The following PRKCE variants were observed in gnomAD, a reference collection of about 807,000 sequenced individuals.
PRKCE encodes the protein protein kinase C epsilon.
Under a neutral mutation model 85.4 loss-of-function variants are expected in PRKCE, and 16 were observed. The ratio of observed to expected loss-of-function variants is 0.19; its 90% CI spans 0.13 to 0.28. The LOEUF (loss-of-function observed/expected upper bound fraction) is 0.28, where lower values mean the gene tolerates loss of function less well. Among genes scored for constraint, PRKCE ranks in the 10% least tolerant of loss-of-function variants. PRKCE has a pLI of 1.00. For missense variants in PRKCE, 573 were observed against 975.2 expected, an observed-to-expected ratio of 0.59 and a Z score of 5.49; for synonymous variants, 388 against 371.5, an observed-to-expected ratio of 1.04 and a Z score of -0.51.
At chr2:46,047,383 A>G (rs1708590200) in intron 10 of PRKCE, among the ~76,000 whole-genome samples, 1 of 152,250 alleles carries the variant, frequency 6.6e-6, no homozygotes, top group African/African-American at 2.4e-5. Flanking sequence ...TCTTTTATAC[A>G]GCAATGAAGA....
intron 10 of PRKCE, among the ~76,000 whole-genome samples, chr2:46,064,106 A>C (rs900877909): frequency 6.6e-6 from 1 of 152,094 alleles, no homozygotes; most frequent in African/African-American, 2.4e-5. Context: ...ACATGGTGAA[A>C]CCCTGTATCT....
chr2:46,058,790 G>C (rs1276893556), intron 10 of PRKCE, among the ~76,000 whole-genome samples: 2 of 152,168 alleles, frequency 1.3e-5, no homozygotes, highest in African/African-American at 4.8e-5. Context: ...CAACCTCCTA[G>C]GTTCAAGTGA....
In PRKCE at chr2:45,695,831, TG is replaced by T. The variant is rs376073402; in HGVS notation, c.348+43387del. On this transcript the variant is annotated intron_variant, in intron 1 of 14. Transcript: ENST00000306156. ...CATGCTTGTAGGATGCAAGGTCTCA[TG>T]GGGAAGAGGGTGGAGAGCAGAAAAA... Among the ~76,000 whole-genome samples, 416 of 152,318 alleles carry T rather than the reference TG, an allele frequency of 2.7e-3. 2 individuals carry two copies. The highest frequency in any genetic ancestry group is 0.017 in the South Asian group (84 of 4,830).
At chr2:45,734,002 G>A (rs1400248050) in intron 1 of PRKCE, among the ~76,000 whole-genome samples, 1 of 152,230 alleles carries the variant, frequency 6.6e-6, no homozygotes, top group African/African-American at 2.4e-5. Context: ...TATATCTGCT[G>A]TATAGCAGGT....
chr2:45,823,535 G>C (rs1689705738), intron 1 of PRKCE, among the ~76,000 whole-genome samples: 2 of 152,172 alleles, frequency 1.3e-5, no homozygotes, highest in Non-Finnish European at 2.9e-5. Context: ...TGACTAATTG[G>C]GTACCAGGGG....
In PRKCE at chr2:45,874,018, AT is replaced by A. The variant is rs762651080; in HGVS notation, c.412+30956del. 5.9e-5 allele frequency among the ~76,000 whole-genome samples: 9 copies of A among 152,354 alleles called. No individual in the cohort carries two copies. In the South Asian group the frequency reaches 1.9e-3, roughly 32 times the overall value. ...CCTTTTTGAACATTTTCTCTGTAAA[AT>A]GGGGCAGTGTTCCCCACCTCATAGC... is the stretch of plus-strand genomic sequence containing the variant. On this transcript the variant is annotated intron_variant, in intron 2 of 14. Coordinates refer to ENST00000306156, the MANE Select transcript of PRKCE (RefSeq NM_005400.3).
intron 11 of PRKCE, among the ~76,000 whole-genome samples, chr2:46,143,238 C>G (rs1465483505): frequency 1.3e-5 from 2 of 152,158 alleles, no homozygotes; most frequent in Non-Finnish European, 2.9e-5. Context: ...GCTTCCCACA[C>G]ATAAAGAAGC....
chr2:45,833,337 T>G (rs1303561029), intron 1 of PRKCE, among the ~76,000 whole-genome samples: 1 of 152,178 alleles, frequency 6.6e-6, no homozygotes, highest in Non-Finnish European at 1.5e-5. Context: ...TCAGTTCCAC[T>G]TAGAGTCTTT....
intron 1 of PRKCE, among the ~76,000 whole-genome samples, chr2:45,822,241 A>T (rs929405085): frequency 7.2e-5 from 11 of 152,310 alleles, no homozygotes; most frequent in Admixed American, 7.2e-4. Flanking sequence ...CAAAAGGGAG[A>T]ATGGTAATTT....
chr2:45,758,359 A>G (rs909351981), intron 1 of PRKCE, among the ~76,000 whole-genome samples: 1 of 152,262 alleles, frequency 6.6e-6, no homozygotes, highest in African/African-American at 2.4e-5. Flanking sequence ...TGTAATTATT[A>G]TCTACTCTTG....
intron 1 of PRKCE, among the ~76,000 whole-genome samples, chr2:45,739,009 G>T (rs1025063889): frequency 8.5e-5 from 13 of 152,234 alleles, no homozygotes; most frequent in Non-Finnish European, 1.8e-4. Context: ...TGGGATGACA[G>T]TGCTCATATG....
At chr2:46,079,547 T>G (rs1003538307) in intron 10 of PRKCE, among the ~76,000 whole-genome samples, 1 of 152,218 alleles carries the variant, frequency 6.6e-6, no homozygotes, top group Admixed American at 6.5e-5. Flanking sequence ...GAGTGTGAAG[T>G]TAGGACCCAC....
chr2:46,096,605 C>A (rs754377249), intron 11 of PRKCE, among the ~76,000 whole-genome samples: 1 of 152,172 alleles, frequency 6.6e-6, no homozygotes, highest in Non-Finnish European at 1.5e-5. Context: ...AGAATACAGC[C>A]TTCTGCAAGC....
intron 2 of PRKCE, among the ~76,000 whole-genome samples, chr2:45,888,122 G>C (rs1485379010): frequency 1.3e-5 from 2 of 152,188 alleles, no homozygotes; most frequent in African/African-American, 4.8e-5. Context: ...TGAATATTTT[G>C]GGGAATGTGT....
At chr2:46,167,822 A>T (rs890612403) in intron 14 of PRKCE, 9 of 136,018 alleles carry the variant, frequency 6.6e-5, no homozygotes, top group African/African-American at 2.3e-4. Context: ...CCCTGCCTTC[A>T]TTCTCAGTAG....
chr2:45,970,409 C>A (rs1005267005), intron 2 of PRKCE, among the ~76,000 whole-genome samples: 1 of 151,916 alleles, frequency 6.6e-6, no homozygotes. Context: ...GATACATAGC[C>A]CTTTGTGCTG....
intron 1 of PRKCE, among the ~76,000 whole-genome samples, chr2:45,732,995 C>A (rs976036276): frequency 2.0e-5 from 3 of 152,170 alleles, no homozygotes; most frequent in Non-Finnish European, 1.5e-5. Flanking sequence ...AGAGTCTCTG[C>A]GAAAACAACT....
At chr2:45,871,994 C>CAT (rs1694128650) in intron 2 of PRKCE, among the ~76,000 whole-genome samples, 1 of 152,144 alleles carries the variant, frequency 6.6e-6, no homozygotes, top group Non-Finnish European at 1.5e-5. Context: ...TGCCAGGCAC[C>CAT]ATGGGAGGCA....
chr2:45,890,454 A>G (rs1695638914), intron 2 of PRKCE, among the ~76,000 whole-genome samples: 1 of 151,058 alleles, frequency 6.6e-6, no homozygotes, highest in South Asian at 2.1e-4. Context: ...ATCTCGGCTC[A>G]CTGCAACGGT....
Sources: allele counts gnomAD v4.1 joint callset (sites outside exome capture counted in the v4.1 genomes callset), GRCh38; gene constraint gnomAD v4.1.1; transcripts MANE v1.5; gene names NCBI Gene and HGNC (gene_info 2026-07-23, HGNC 2026-07-21).